The following PCSK5 variants were observed in gnomAD, a reference collection of about 807,000 sequenced individuals.
The protein encoded by PCSK5 is prohormone convertase 5.
In PCSK5, 129 loss-of-function variants were observed where a neutral mutation model predicts 233.2. That is an observed-to-expected ratio of 0.55 (90% CI 0.48 to 0.64). PCSK5 has a LOEUF of 0.64. Among genes scored for constraint, PCSK5 ranks in the 30% least tolerant of loss-of-function variants. PCSK5 has a pLI of 0.00. For synonymous variants in PCSK5, 825 were observed against 879.2 expected (o/e 0.94, Z 1.09); for missense variants, 2,076 against 2,430.1 (o/e 0.85, Z 3.06).
At chr9:76,091,452 C>T (rs1587614852) in intron 7 of PCSK5, among the ~76,000 whole-genome samples, 2 of 152,250 alleles carry the variant, frequency 1.3e-5, no homozygotes, top group East Asian at 3.9e-4. Context: ...ACTGAAAACC[C>T]TTTTTCCAAA....
chr9:76,137,554 A>G (rs1018118795), intron 10 of PCSK5, among the ~76,000 whole-genome samples: 1 of 152,160 alleles, frequency 6.6e-6, no homozygotes, highest in Non-Finnish European at 1.5e-5. Context: ...ATACATACCT[A>G]TGGAAACTGA....
intron 2 of PCSK5, among the ~76,000 whole-genome samples, chr9:75,954,134 A>G (rs1480414855): frequency 6.6e-6 from 1 of 152,250 alleles, no homozygotes; most frequent in Admixed American, 6.5e-5. Flanking sequence ...ACAGAAAACC[A>G]AGTGATTTTG....
chr9:75,918,949 C>T (rs1042835623), intron 1 of PCSK5, among the ~76,000 whole-genome samples: 1 of 152,080 alleles, frequency 6.6e-6, no homozygotes, highest in African/African-American at 2.4e-5. Context: ...GGGCTTTTCT[C>T]TGTAGAGTTA....
chr9:75,967,655 A>T (rs554537255), intron 2 of PCSK5, among the ~76,000 whole-genome samples: 1 of 152,342 alleles, frequency 6.6e-6, no homozygotes, highest in African/African-American at 2.4e-5. Flanking sequence ...CTGATAGAAC[A>T]TTTTAGAACA....
At chr9:76,116,426 TCA>T (rs1832426859) in intron 9 of PCSK5, among the ~76,000 whole-genome samples, 1 of 152,078 alleles carries the variant, frequency 6.6e-6, no homozygotes, top group East Asian at 1.9e-4. Context: ...TGTTTGCATA[TCA>T]CAGAAAACGC....
intron 35 of PCSK5, among the ~76,000 whole-genome samples, chr9:76,349,403 G>A (rs1226720281): frequency 6.6e-6 from 1 of 152,118 alleles, no homozygotes; most frequent in Non-Finnish European, 1.5e-5. Flanking sequence ...GGGAAATTCT[G>A]TATGAAGCTA....
chr9:76,184,010 A>C (rs1823988336), intron 16 of PCSK5, among the ~76,000 whole-genome samples: 1 of 152,186 alleles, frequency 6.6e-6, no homozygotes, highest in African/African-American at 2.4e-5. Context: ...TATTCACAGT[A>C]TACTTGTTCA....
At chr9:75,918,758 G>T (rs949259325) in intron 1 of PCSK5, among the ~76,000 whole-genome samples, 2 of 152,212 alleles carry the variant, frequency 1.3e-5, no homozygotes, top group Admixed American at 6.5e-5. Context: ...TATTGCAAAT[G>T]ATTCTCAAGG....
In PCSK5 at chr9:76,325,723, C is replaced by T. The variant is rs143670866; in HGVS notation, c.4340-2286C>T. 8.2e-3 allele frequency among the ~76,000 whole-genome samples: 1,251 copies of T among 151,882 alleles called. 14 individuals are homozygous for T. The highest frequency in any genetic ancestry group is 0.029 in the African/African-American group (1,188 of 41,330). On this transcript the variant is annotated intron_variant, in intron 32 of 37. Transcript: ENST00000674117. ...CGCGATCTGGACTCACCACAACCTC[C>T]GCCTCCCTGGTTCAAGAGATTCTCC...
intron 7 of PCSK5, among the ~76,000 whole-genome samples, chr9:76,081,911 T>A (rs185042782): frequency 6.6e-6 from 1 of 152,230 alleles, no homozygotes; most frequent in African/African-American, 2.4e-5. Context: ...TAGAAACAAA[T>A]CTCTCATACA....
At chr9:76,053,043 G>T (rs1213935932) in intron 5 of PCSK5, among the ~76,000 whole-genome samples, 3 of 152,248 alleles carry the variant, frequency 2.0e-5, no homozygotes. Context: ...GCATTGGACA[G>T]TTCCGCCCCT....
chr9:76,228,094 C>T (rs1245931387), intron 21 of PCSK5, among the ~76,000 whole-genome samples: 2 of 151,896 alleles, frequency 1.3e-5, no homozygotes, highest in African/African-American at 4.8e-5. Flanking sequence ...CTGAGCCTCC[C>T]TAGAAGCTGG....
intron 20 of PCSK5, among the ~76,000 whole-genome samples, chr9:76,220,407 G>A (rs887719962): frequency 2.0e-5 from 3 of 151,510 alleles, no homozygotes; most frequent in Admixed American, 6.6e-5. Flanking sequence ...GGCGCCTGTA[G>A]TCCCAGCTAC....
At chr9:76,018,725 A>G (rs781511434) in intron 3 of PCSK5, among the ~76,000 whole-genome samples, 1 of 152,232 alleles carries the variant, frequency 6.6e-6, no homozygotes, top group Non-Finnish European at 1.5e-5. Context: ...AAAATTTTCA[A>G]ATATAAACTT....
chr9:75,999,775 C>G (rs551663949), intron 3 of PCSK5, among the ~76,000 whole-genome samples: 1 of 152,146 alleles, frequency 6.6e-6, no homozygotes, highest in Non-Finnish European at 1.5e-5. Flanking sequence ...GATTTTGGGG[C>G]GCTTGCTCCC....
intron 2 of PCSK5, among the ~76,000 whole-genome samples, chr9:75,960,997 A>G (rs986376194): frequency 6.6e-6 from 1 of 152,234 alleles, no homozygotes; most frequent in African/African-American, 2.4e-5. Flanking sequence ...TGAAAAGTGG[A>G]AAGAGGTAAA....
At chr9:75,990,642 A>C (rs550849473) in intron 3 of PCSK5, among the ~76,000 whole-genome samples, 1 of 152,310 alleles carries the variant, frequency 6.6e-6, no homozygotes, top group South Asian at 2.1e-4. Flanking sequence ...GTGCCTCCTA[A>C]GATTAATAAA....
At chr9:75,935,849 G>A (rs909136563) in intron 2 of PCSK5, among the ~76,000 whole-genome samples, 1 of 152,150 alleles carries the variant, frequency 6.6e-6, no homozygotes, top group Non-Finnish European at 1.5e-5. Context: ...AGATTGAGAG[G>A]CACATGATAC....
intron 24 of PCSK5, among the ~76,000 whole-genome samples, chr9:76,257,117 C>A (rs1365272844): frequency 6.6e-6 from 1 of 152,178 alleles, no homozygotes; most frequent in Non-Finnish European, 1.5e-5. Flanking sequence ...CTGACATGCA[C>A]CACTGTGTCA....
Sources: gnomAD v4.1 joint callset for allele counts (sites outside exome capture counted in the v4.1 genomes callset) on GRCh38, gnomAD v4.1.1 for gene constraint, MANE v1.5 for transcripts, NCBI Gene and HGNC (gene_info 2026-07-23, HGNC 2026-07-21) for gene names.